Variants in LOC400499 observed in about 807,000 individuals in gnomAD.
the LOC400499 span, chr16:11,457,123 C>T: frequency 0.47 from 640,247 of 1,367,030 alleles, 155,713 homozygotes; most frequent in Non-Finnish European, 0.5. Context: ...GAGGCAGCAG[C>T]GAGCCAAGAT....
chr16:11,386,898 T>C, the LOC400499 span, among the ~76,000 whole-genome samples: 1 of 152,194 alleles, frequency 6.6e-6, no homozygotes, highest in Admixed American at 6.5e-5. Flanking sequence ...CCTGAAGCCC[T>C]AAACCACCCT....
At chr16:11,464,989 G>A in the LOC400499 span, among the ~76,000 whole-genome samples, 20 of 152,308 alleles carry the variant, frequency 1.3e-4, no homozygotes, top group African/African-American at 4.8e-4. Context: ...CCAGGCTGAC[G>A]GCAGAGCTGG....
the LOC400499 span, among the ~76,000 whole-genome samples, chr16:11,400,489 G>A: frequency 6.8e-6 from 1 of 146,674 alleles, no homozygotes; most frequent in Non-Finnish European, 1.5e-5. Context: ...TTACCAGGCT[G>A]GAGTGCAGTG....
chr16:11,494,649 C>G, the LOC400499 span: 1 of 399,266 alleles, frequency 2.5e-6, no homozygotes, highest in East Asian at 3.6e-5. Context: ...ACTAGGGAGC[C>G]GACTCCAGGC....
chr16:11,451,571 CAAACA>C, the LOC400499 span, among the ~76,000 whole-genome samples: 1 of 148,084 alleles, frequency 6.8e-6, no homozygotes, highest in South Asian at 2.2e-4. Context: ...AACAAACAAA[CAAACA>C]AACAAAAAAC....
At chr16:11,386,815 T>G in the LOC400499 span, among the ~76,000 whole-genome samples, 1 of 152,194 alleles carries the variant, frequency 6.6e-6, no homozygotes, top group African/African-American at 2.4e-5. Context: ...GAGTCTGAAG[T>G]CAGTCAGTTC....
chr16:11,434,145 C>G, the LOC400499 span, among the ~76,000 whole-genome samples: 1 of 152,108 alleles, frequency 6.6e-6, no homozygotes, highest in Non-Finnish European at 1.5e-5. Context: ...GGAGAGCTCA[C>G]CAAGCACAGT....
chr16:11,401,293 C>A, the LOC400499 span: 1 of 399,200 alleles, frequency 2.5e-6, no homozygotes, highest in Non-Finnish European at 4.4e-6. Flanking sequence ...CACCCCTGCT[C>A]TCAGCAAGGC....
chr16:11,413,066 C>G, the LOC400499 span: 1 of 396,506 alleles, frequency 2.5e-6, no homozygotes, highest in Non-Finnish European at 4.5e-6. Flanking sequence ...TGTCCCTAAG[C>G]CCAGCATGGC....
the LOC400499 span, among the ~76,000 whole-genome samples, chr16:11,444,357 G>C: frequency 1.3e-5 from 2 of 152,068 alleles, no homozygotes; most frequent in Non-Finnish European, 2.9e-5. Context: ...AGCCATGATC[G>C]CACCCCTGCC....
At chr16:11,423,645 C>T in the LOC400499 span, among the ~76,000 whole-genome samples, 1 of 152,264 alleles carries the variant, frequency 6.6e-6, no homozygotes, top group Non-Finnish European at 1.5e-5. Flanking sequence ...TTCCCTCTCC[C>T]ACCATGGACG....
chr16:11,462,010 T>C, the LOC400499 span: 2 of 1,021,462 alleles, frequency 2.0e-6, no homozygotes, highest in Non-Finnish European at 2.6e-6. Flanking sequence ...GATGGGATGT[T>C]GATATTAAGA....
At chr16:11,449,098 C>T in the LOC400499 span, 15 of 1,450,892 alleles carry the variant, frequency 1.0e-5, no homozygotes, top group South Asian at 1.3e-5. Context: ...AAGACTGTCA[C>T]TGTGGAAACC....
the LOC400499 span, chr16:11,411,299 G>A: frequency 1.0e-5 from 4 of 399,384 alleles, no homozygotes; most frequent in East Asian, 7.1e-5. Context: ...AAGGGGAGGC[G>A]ATGCCGGCCT....
At chr16:11,500,336 C>T in the LOC400499 span, among the ~76,000 whole-genome samples, 4 of 151,712 alleles carry the variant, frequency 2.6e-5, no homozygotes, top group Non-Finnish European at 4.4e-5. Context: ...GGCGAAACCC[C>T]GTCTCTACTG....
At chr16:11,428,714 C>T in the LOC400499 span, among the ~76,000 whole-genome samples, 10 of 152,202 alleles carry the variant, frequency 6.6e-5, no homozygotes, top group Non-Finnish European at 1.3e-4. Flanking sequence ...AGTGCCTTAA[C>T]CTCCTGGGAA....
At chr16:11,395,340 G>C in the LOC400499 span, among the ~76,000 whole-genome samples, 1 of 152,184 alleles carries the variant, frequency 6.6e-6, no homozygotes. Context: ...AGTGAGAATA[G>C]CTGTCCCAAA....
the LOC400499 span, among the ~76,000 whole-genome samples, chr16:11,509,114 T>G: frequency 1.9e-5 from 2 of 105,302 alleles, no homozygotes; most frequent in Non-Finnish European, 4.3e-5. Flanking sequence ...GAGTATCCTT[T>G]TTTTTCTTTT....
the LOC400499 span, among the ~76,000 whole-genome samples, chr16:11,377,468 T>G: frequency 6.6e-6 from 1 of 152,332 alleles, no homozygotes; most frequent in South Asian, 2.1e-4. Flanking sequence ...ATATGACCTT[T>G]ATTATGTTGA....
Sources: allele counts gnomAD v4.1 joint callset (sites outside exome capture counted in the v4.1 genomes callset), GRCh38; gene constraint gnomAD v4.1.1; transcripts MANE v1.5.